RSF1: variants seen among roughly 807,000 people sequenced by gnomAD.
The protein encoded by RSF1 is remodeling and spacing factor 1.
RSF1 carries 13 observed loss-of-function variants against 145.2 expected under a neutral mutation model. The observed-to-expected ratio is 0.09, with a 90% CI of 0.06 to 0.14. RSF1 has a LOEUF of 0.14. RSF1 is among the 10% of genes least tolerant of loss of function. The pLI is 1.00. For synonymous variants in RSF1, 577 were observed against 592.6 expected, an observed-to-expected ratio of 0.97 and a Z score of 0.38; for missense variants, 1,517 against 1,718.2, an observed-to-expected ratio of 0.88 and a Z score of 2.07.
At chr11:77,705,321 C>T (rs1484791906) in intron 5 of RSF1, among the ~76,000 whole-genome samples, 2 of 152,170 alleles carry the variant, frequency 1.3e-5, no homozygotes, top group African/African-American at 4.8e-5. Context: ...AATTGAAACA[C>T]AGCATCACAT....
In RSF1 at chr11:77,664,377, CA is replaced by C. The variant is rs1182436943; in HGVS notation, c.*2539del. 6.6e-6 allele frequency: 1 copy of C among 152,122 alleles called. No homozygotes were observed. Among genetic ancestry groups the C allele is most frequent in the Admixed American group, 6.6e-5 (1 of 15,248 alleles). The allele number at this position is 152,122 out of a possible 1,614,324, so 9.4% of individuals were successfully genotyped here. The stretch of plus-strand genomic sequence containing the variant: ...TTATTCAAGTTTGGTAAATATCAGG[CA>C]GCACAGCACAAGTGGTCTCCAAACC... On this transcript the variant is annotated 3_prime_UTR_variant, in exon 16 of 16. Transcript: ENST00000308488.
In RSF1 at chr11:77,781,536, T is replaced by C. The variant is rs151152428; in HGVS notation, c.188-16847A>G. On this transcript the variant is annotated intron_variant, in intron 1 of 15. Coordinates refer to ENST00000308488, the MANE Select transcript of RSF1 (RefSeq NM_016578.4). ...TGTGGTAGAGACAGGTTTAACCTAA[T>C]AAGAAACTCCCAAACATTTTGCCAA... Among the ~76,000 whole-genome samples, 672 of 152,358 alleles carry C rather than the reference T, an allele frequency of 4.4e-3. 2 individuals carry two copies. Among genetic ancestry groups the C allele is most frequent in the Non-Finnish European group, 7.8e-3 (528 of 68,036 alleles).
At chr11:77,768,390 T>C (rs1948248302) in intron 1 of RSF1, among the ~76,000 whole-genome samples, 1 of 152,146 alleles carries the variant, frequency 6.6e-6, no homozygotes, top group Non-Finnish European at 1.5e-5. Context: ...CTCGAACTCC[T>C]GACCTCATGA....
intron 1 of RSF1, among the ~76,000 whole-genome samples, chr11:77,783,505 T>A (rs1377002955): frequency 6.6e-6 from 1 of 152,156 alleles, no homozygotes; most frequent in African/African-American, 2.4e-5. Context: ...TTTTGCTAGA[T>A]ATAGAAGTTT....
chr11:77,730,017 T>C (rs1961163603), intron 4 of RSF1, among the ~76,000 whole-genome samples: 1 of 151,604 alleles, frequency 6.6e-6, no homozygotes, highest in African/African-American at 2.4e-5. Context: ...ATGAGCACTA[T>C]GTTCCAAGCA....
chr11:77,863,364 G>A, the RSF1 span, among the ~76,000 whole-genome samples: 1 of 152,198 alleles, frequency 6.6e-6, no homozygotes, highest in African/African-American at 2.4e-5. Flanking sequence ...GTGGTGGACG[G>A]TGAGCGAAAA....
intron 1 of RSF1, among the ~76,000 whole-genome samples, chr11:77,787,428 T>C (rs1473213150): frequency 6.6e-6 from 1 of 152,176 alleles, no homozygotes; most frequent in Admixed American, 6.5e-5. Flanking sequence ...ACATAAAATT[T>C]AAATTATAGT....
At position 77,714,680 on chromosome 11, in the gene RSF1, G is replaced by T. The variant is rs528982148; in HGVS notation, c.733+10865C>A. Among the ~76,000 whole-genome samples, 504 of 152,158 alleles carry T rather than the reference G, an allele frequency of 3.3e-3. 1 individual carries two copies. The highest frequency in any genetic ancestry group is 3.6e-3 in the Non-Finnish European group (246 of 67,970). On this transcript the variant is annotated intron_variant, in intron 5 of 15. Transcript: ENST00000308488. ...AACATGGTGAAACCTTGTCTCTACAGAAAATACAAAAATTAGCTAAGCGCA... is the reference window on the plus strand; with the variant it reads ...AACATGGTGAAACCTTGTCTCTACATAAAATACAAAAATTAGCTAAGCGCA...
intron 4 of RSF1, among the ~76,000 whole-genome samples, chr11:77,725,933 G>C (rs904024973): frequency 1.3e-5 from 2 of 152,166 alleles, no homozygotes; most frequent in African/African-American, 4.8e-5. Flanking sequence ...TGATTGGAAT[G>C]ACAATGAATA....
intron 14 of RSF1, among the ~76,000 whole-genome samples, chr11:77,672,580 A>T (rs1590821694): frequency 2.1e-5 from 2 of 96,596 alleles, no homozygotes; most frequent in East Asian, 3.0e-4. Flanking sequence ...AGTCTCCCTT[A>T]AAAAAAAAAA....
chr11:77,842,237 A>T, the RSF1 span, among the ~76,000 whole-genome samples: 1 of 152,190 alleles, frequency 6.6e-6, no homozygotes, highest in Non-Finnish European at 1.5e-5. Flanking sequence ...ATCTCTCAAA[A>T]ATATCCTAAG....
At chr11:77,667,557 C>T (rs1330532413) in intron 15 of RSF1, 66 bp from the exon 16 acceptor site, 1 of 1,394,612 alleles carries the variant, frequency 7.2e-7, no homozygotes, top group Admixed American at 1.9e-5. Flanking sequence ...TTCTCCTTTT[C>T]CTCCCGATAT....
At chr11:77,790,560 C>T (rs1948506844) in intron 1 of RSF1, among the ~76,000 whole-genome samples, 2 of 152,166 alleles carry the variant, frequency 1.3e-5, no homozygotes, top group Non-Finnish European at 2.9e-5. Context: ...CAGGAGTCCA[C>T]AGTCCAAAGT....
chr11:77,664,447 G>C lies in RSF1; in HGVS notation c.*2470C>G, dbSNP rs778631044. 2 of 152,158 alleles carry C rather than the reference G, an allele frequency of 1.3e-5. No individual in the cohort carries two copies. Among genetic ancestry groups the C allele is most frequent in the Admixed American group, 6.6e-5 (1 of 15,258 alleles). 9.4% of individuals were successfully genotyped at this position (152,158 alleles called of 1,614,324 possible). A position where few individuals can be genotyped will look rare whatever the true frequency, so the allele number is the denominator to read the frequency against. ...TTTGAGATGGTAAGAATTACCTTAGGCTTTCTATAGTAGAAGAGTAAAAAT... is the reference window on the plus strand; with the variant it reads ...TTTGAGATGGTAAGAATTACCTTAGCCTTTCTATAGTAGAAGAGTAAAAAT... On this transcript the variant is annotated 3_prime_UTR_variant, in exon 16 of 16. Transcript: ENST00000308488.
At chr11:77,748,812 G>A (rs749085981) in intron 2 of RSF1, among the ~76,000 whole-genome samples, 5 of 152,114 alleles carry the variant, frequency 3.3e-5, no homozygotes, top group Non-Finnish European at 1.5e-5. Flanking sequence ...ACACTCCTAA[G>A]TATTTACACA....
Position 77,758,715 on chromosome 11 carries a change from T to A in RSF1, c.279+5883A>T, listed in dbSNP as rs376005343. Among the ~76,000 whole-genome samples, 10 of 152,356 alleles carry A rather than the reference T, an allele frequency of 6.6e-5. No homozygotes were observed. In the East Asian group the frequency reaches 1.9e-3, roughly 29 times the overall value. On this transcript the variant is annotated intron_variant, in intron 2 of 15. Transcript: ENST00000308488. Reference sequence around the variant, plus strand: ...AAATGATGATGAACTTCTTCTCATATGCTTTTTGATCTTTGTGTATCTTCT... The same window carrying A: ...AAATGATGATGAACTTCTTCTCATAAGCTTTTTGATCTTTGTGTATCTTCT...
intron 1 of RSF1, among the ~76,000 whole-genome samples, chr11:77,780,497 G>C (rs1426759441): frequency 6.6e-6 from 1 of 152,046 alleles, no homozygotes; most frequent in Non-Finnish European, 1.5e-5. Flanking sequence ...GATGACAAAA[G>C]GCAGGCTACC....
At position 77,683,428 on chromosome 11, in the gene RSF1, G is replaced by A. The variant is rs886448005; in HGVS notation, c.3065+282C>T. 2.6e-5 allele frequency among the ~76,000 whole-genome samples: 4 copies of A among 152,096 alleles called. No individual in the cohort carries two copies. The South Asian group carries it at 8.3e-4, about 32-fold the overall frequency. On this transcript the variant is annotated intron_variant, in intron 11 of 15. Coordinates refer to ENST00000308488, the MANE Select transcript of RSF1 (RefSeq NM_016578.4). ...CTCTAAAATTATATGACTAGGCCGG[G>A]CGCGGTGGCTCATGGCTGTAATCCC...
At chr11:77,684,594 T>C (rs1247030422) in intron 10 of RSF1, among the ~76,000 whole-genome samples, 1 of 152,180 alleles carries the variant, frequency 6.6e-6, no homozygotes, top group Non-Finnish European at 1.5e-5. Flanking sequence ...TGATATCACA[T>C]TTTGGAGTTA....
Sources: gnomAD v4.1 joint callset for allele counts (sites outside exome capture counted in the v4.1 genomes callset) on GRCh38, gnomAD v4.1.1 for gene constraint, MANE v1.5 for transcripts, NCBI Gene and HGNC (gene_info 2026-07-23, HGNC 2026-07-21) for gene names.